COL8A1: variants seen among roughly 807,000 people sequenced by gnomAD.
COL8A1 encodes the protein collagen alpha-1(VIII) chain.
COL8A1 carries 21 observed loss-of-function variants against 42.7 expected under a neutral mutation model. The ratio of observed to expected loss-of-function variants is 0.49; its 90% confidence interval spans 0.35 to 0.71. The LOEUF (loss-of-function observed/expected upper bound fraction) is 0.71. Among genes scored for constraint, COL8A1 ranks in the 30% least tolerant of loss-of-function variants. COL8A1 has a pLI of 0.01. For missense variants in COL8A1, 788 were observed against 962.4 expected, an observed-to-expected ratio of 0.82 and a Z score of 2.40; for synonymous variants, 367 against 369.1, an observed-to-expected ratio of 0.99 and a Z score of 0.06.
chr3:99,722,156 G>A (rs150874370), intron 1 of COL8A1, among the ~76,000 whole-genome samples: 71 of 152,084 alleles, frequency 4.7e-4, no homozygotes, highest in African/African-American at 1.5e-3. Flanking sequence ...CTGCTAAAGG[G>A]AATTCTCCGT....
chr3:99,763,096 A>G (rs928850692), intron 2 of COL8A1, among the ~76,000 whole-genome samples: 2 of 152,190 alleles, frequency 1.3e-5, no homozygotes, highest in East Asian at 3.9e-4. Context: ...ATCACTAAGG[A>G]TTATGTAACT....
intron 1 of COL8A1, among the ~76,000 whole-genome samples, chr3:99,731,467 G>A (rs1269963297): frequency 6.6e-6 from 1 of 152,142 alleles, no homozygotes; most frequent in East Asian, 1.9e-4. Context: ...TTGGAAAGAA[G>A]CCAGAGTGGG....
intron 1 of COL8A1, among the ~76,000 whole-genome samples, chr3:99,685,729 T>C (rs551958469): frequency 2.6e-5 from 4 of 152,316 alleles, no homozygotes; most frequent in East Asian, 3.9e-4. Flanking sequence ...CCAAATCATG[T>C]TGATTTTATT....
At chr3:99,734,680 T>A (rs1295541060) in intron 1 of COL8A1, among the ~76,000 whole-genome samples, 2 of 152,070 alleles carry the variant, frequency 1.3e-5, no homozygotes, top group East Asian at 1.9e-4. Flanking sequence ...TTTCCAATTC[T>A]GTGAAGAAAG....
intron 1 of COL8A1, among the ~76,000 whole-genome samples, chr3:99,647,102 G>T (rs1316514181): frequency 6.6e-6 from 1 of 152,138 alleles, no homozygotes; most frequent in East Asian, 1.9e-4. Context: ...TTTATTCACT[G>T]TATGGCTTCA....
In COL8A1 at chr3:99,798,732, T is replaced by TCTA. The variant is rs992729129; in HGVS notation, c.*2597_*2599dup. 3 of 152,240 alleles carry TCTA rather than the reference T, an allele frequency of 2.0e-5. No homozygotes were observed. Among genetic ancestry groups the TCTA allele is most frequent in the African/African-American group, 7.2e-5 (3 of 41,478 alleles). The allele number at this position is 152,240 out of a possible 1,614,324, so 9.4% of individuals were successfully genotyped here. On this transcript the variant is annotated 3_prime_UTR_variant, in exon 4 of 4. Coordinates refer to ENST00000652472, the MANE Select transcript of COL8A1 (RefSeq NM_020351.4). ...ACTTTTAGATAGAAGAGGAGCAACA[T>TCTA]CTATGCCAAATACTGTGCATTCTAC...
chr3:99,790,392 C>T (rs538027462), intron 2 of COL8A1, among the ~76,000 whole-genome samples: 21 of 152,270 alleles, frequency 1.4e-4, no homozygotes, highest in Non-Finnish European at 2.4e-4. Flanking sequence ...CAGGTGAAGA[C>T]GGGAAAACAG....
chr3:99,658,128 AC>A (rs1559769962), intron 1 of COL8A1, among the ~76,000 whole-genome samples: 7 of 147,166 alleles, frequency 4.8e-5, no homozygotes, highest in African/African-American at 1.3e-4. Flanking sequence ...AAAACAAAAA[AC>A]AAAAAAAAAA....
At chr3:99,678,856 A>C (rs1938780796) in intron 1 of COL8A1, 1 of 152,162 alleles carries the variant, frequency 6.6e-6, no homozygotes, top group Admixed American at 6.5e-5. Flanking sequence ...TCATTCAAAA[A>C]CCAACTCCTT....
At chr3:99,684,306 G>T (rs932075538) in intron 1 of COL8A1, among the ~76,000 whole-genome samples, 2 of 152,008 alleles carry the variant, frequency 1.3e-5, no homozygotes, top group African/African-American at 2.4e-5. Context: ...GTAAGGCAAG[G>T]GTCATTATTT....
chr3:99,649,664 C>T (rs1171944749), intron 1 of COL8A1, among the ~76,000 whole-genome samples: 3 of 152,006 alleles, frequency 2.0e-5, no homozygotes, highest in Non-Finnish European at 4.4e-5. Context: ...CCAACACTAC[C>T]CCAGTCTTCC....
intron 1 of COL8A1, among the ~76,000 whole-genome samples, chr3:99,743,403 C>T (rs922943331): frequency 3.3e-5 from 5 of 152,194 alleles, no homozygotes; most frequent in African/African-American, 1.2e-4. Context: ...CCCTTCAGGC[C>T]TGAACACACA....
At chr3:99,759,894 G>A (rs1004731768) in intron 2 of COL8A1, among the ~76,000 whole-genome samples, 1 of 152,166 alleles carries the variant, frequency 6.6e-6, no homozygotes, top group African/African-American at 2.4e-5. Context: ...CCTACCGTGT[G>A]ATCATGGTTC....
chr3:99,661,615 T>G (rs1938209130), intron 1 of COL8A1, among the ~76,000 whole-genome samples: 1 of 152,214 alleles, frequency 6.6e-6, no homozygotes, highest in Non-Finnish European at 1.5e-5. Flanking sequence ...ATTTCATTTC[T>G]GGTTATATGC....
intron 2 of COL8A1, among the ~76,000 whole-genome samples, chr3:99,768,680 G>C (rs979449147): frequency 3.3e-5 from 5 of 152,162 alleles, no homozygotes; most frequent in Non-Finnish European, 4.4e-5. Flanking sequence ...TTAGTACAGA[G>C]CCAGGTTGGT....
chr3:99,737,098 C>T (rs1219183197), intron 1 of COL8A1, among the ~76,000 whole-genome samples: 2 of 152,110 alleles, frequency 1.3e-5, no homozygotes, highest in African/African-American at 2.4e-5. Context: ...GATCTTCCTC[C>T]ATCCTTTTAT....
chr3:99,751,403 C>CA (rs1941145738), intron 2 of COL8A1, among the ~76,000 whole-genome samples: 1 of 152,066 alleles, frequency 6.6e-6, no homozygotes, highest in South Asian at 2.1e-4. Context: ...ACTACAAATA[C>CA]AAAAATTAGC....
At position 99,796,170 on chromosome 3, in the gene COL8A1, G is replaced by T; in HGVS notation, c.*34G>T. On this transcript the variant is annotated 3_prime_UTR_variant, in exon 4 of 4. Transcript: ENST00000652472. Reference sequence around the variant, plus strand: ...AAACAAAAAACAAAGAAAAGAAAGAGATTTTATAGAAGAAAATGACACACC... The same window carrying T: ...AAACAAAAAACAAAGAAAAGAAAGATATTTTATAGAAGAAAATGACACACC... The T allele has an allele frequency of 7.1e-7, 1 of 1,417,606 alleles. No homozygotes were observed. 87.8% of individuals were successfully genotyped at this position (1,417,606 alleles called of 1,614,324 possible).
At chr3:99,696,496 G>A (rs886079486) in intron 1 of COL8A1, among the ~76,000 whole-genome samples, 38 of 152,184 alleles carry the variant, frequency 2.5e-4, no homozygotes, top group African/African-American at 8.9e-4. Flanking sequence ...AAGGCAGAAA[G>A]AGAGCTTGAA....
Sources: gnomAD v4.1 joint callset for allele counts (sites outside exome capture counted in the v4.1 genomes callset) on GRCh38, gnomAD v4.1.1 for gene constraint, MANE v1.5 for transcripts, NCBI Gene and HGNC (gene_info 2026-07-23, HGNC 2026-07-21) for gene names.